Variants in DYNLRB1 observed in about 807,000 individuals in gnomAD.
DYNLRB1 encodes the protein ROBL/LC7-like 1.
DYNLRB1 carries 6 observed loss-of-function variants against 13.5 expected under a neutral mutation model. The observed-to-expected ratio is 0.44, with a 90% CI of 0.24 to 0.88. DYNLRB1 has a LOEUF of 0.88. Ranked by LOEUF, DYNLRB1 falls within the 40% of genes least tolerant of loss-of-function variation. The pLI is 0.21. For missense variants in DYNLRB1, 93 were observed against 127.2 expected, an observed-to-expected ratio of 0.73 and a Z score of 1.29; for synonymous variants, 43 against 45.0, an observed-to-expected ratio of 0.96 and a Z score of 0.18.
intron 3 of DYNLRB1, 109 bp downstream of exon 3, chr20:34,534,904 C>G (rs576746823): frequency 1.9e-6 from 3 of 1,567,702 alleles, no homozygotes; most frequent in East Asian, 2.3e-5. Context: ...AAGCAGGGCC[C>G]GAGGAGTTGA....
intron 3 of DYNLRB1, among the ~76,000 whole-genome samples, chr20:34,540,113 C>T (rs1207801024): frequency 6.6e-6 from 1 of 152,260 alleles, no homozygotes; most frequent in Non-Finnish European, 1.5e-5. Flanking sequence ...ATCAGCATCA[C>T]CTGGGAACTT....
At chr20:34,517,418 T>A (rs1260243224) in intron 1 of DYNLRB1, among the ~76,000 whole-genome samples, 1 of 152,156 alleles carries the variant, frequency 6.6e-6, no homozygotes, top group Non-Finnish European at 1.5e-5. Flanking sequence ...TATCTCCACA[T>A]CATTACAAAC....
intron 1 of DYNLRB1, among the ~76,000 whole-genome samples, chr20:34,525,840 C>CA (rs1310503190): frequency 6.6e-6 from 1 of 152,228 alleles, no homozygotes; most frequent in East Asian, 1.9e-4. Flanking sequence ...AGTCTATCCT[C>CA]ATGTGCTGTT....
intron 2 of DYNLRB1, among the ~76,000 whole-genome samples, chr20:34,527,293 TGA>T (rs1391258408): frequency 6.6e-6 from 1 of 152,224 alleles, no homozygotes; most frequent in African/African-American, 2.4e-5. Flanking sequence ...CCAGCAGTTG[TGA>T]GTTTGAATTC....
intron 1 of DYNLRB1, chr20:34,516,765 T>A: frequency 2.6e-6 from 4 of 1,549,948 alleles, no homozygotes; most frequent in Admixed American, 2.0e-5. Context: ...TTTTGGGGCC[T>A]TGGTGCGCGA....
intron 2 of DYNLRB1, 52 bp downstream of exon 2, chr20:34,526,395 C>T (rs777199131): frequency 3.2e-6 from 5 of 1,569,904 alleles, no homozygotes; most frequent in Non-Finnish European, 4.4e-6. Flanking sequence ...CAGAAGCAGC[C>T]ATAACACAGC....
chr20:34,533,098 C>G (rs1047657433), intron 2 of DYNLRB1, among the ~76,000 whole-genome samples: 7 of 152,230 alleles, frequency 4.6e-5, no homozygotes, highest in Non-Finnish European at 1.0e-4. Context: ...CAATCATGAC[C>G]TGCGGTGGCT....
intron 2 of DYNLRB1, among the ~76,000 whole-genome samples, chr20:34,532,260 C>T (rs1980768685): frequency 6.6e-6 from 1 of 152,170 alleles, no homozygotes; most frequent in African/African-American, 2.4e-5. Context: ...AGTATTCAGC[C>T]CGCCCAGCAG....
rs201727928 is a variant in DYNLRB1, at chr20:34,516,451, G to C, written c.-8G>C. 3.2e-5 allele frequency: 51 copies of C among 1,613,262 alleles called. No homozygotes were observed. Among genetic ancestry groups the C allele is most frequent in the Non-Finnish European group, 4.2e-5 (49 of 1,179,574 alleles). On this transcript the variant is annotated 5_prime_UTR_variant, in exon 1 of 4. Coordinates refer to ENST00000357156, the MANE Select transcript of DYNLRB1 (RefSeq NM_014183.4). ...GTTCGCTACGCGGGGCTACCGGATC[G>C]GTCGGAAATGGTGAGCGTGCGCCGG...
At chr20:34,518,787 A>G (rs371505113) in intron 1 of DYNLRB1, among the ~76,000 whole-genome samples, 1 of 151,852 alleles carries the variant, frequency 6.6e-6, no homozygotes, top group African/African-American at 2.4e-5. Flanking sequence ...AAGCACTTAT[A>G]TGGCCCCCCT....
chr20:34,521,738 T>C (rs1979735945), intron 1 of DYNLRB1, among the ~76,000 whole-genome samples: 1 of 152,212 alleles, frequency 6.6e-6, no homozygotes, highest in South Asian at 2.1e-4. Flanking sequence ...CATCATTTGA[T>C]TCTTGGCTTA....
rs897885100 is a variant in DYNLRB1 at position 34,536,482 on chromosome 20, C to A, written c.247+1687C>A. On this transcript the variant is annotated intron_variant, in intron 3 of 3. Coordinates refer to ENST00000357156, the MANE Select transcript of DYNLRB1 (RefSeq NM_014183.4). Reference sequence around the variant, plus strand: ...CGGGCCGGGATGGAGCGCAGTGGCTCACGCCTGTAATCCCAGCACTTTGGG... The same window carrying A: ...CGGGCCGGGATGGAGCGCAGTGGCTAACGCCTGTAATCCCAGCACTTTGGG... 7 of 985,290 alleles carry A rather than the reference C, an allele frequency of 7.1e-6. No homozygotes were observed. In the Admixed American group the frequency reaches 3.7e-4, roughly 52 times the overall value. The allele number at this position is 985,290 out of a possible 1,614,324, so 61.0% of individuals were successfully genotyped here.
intron 2 of DYNLRB1, among the ~76,000 whole-genome samples, chr20:34,531,587 C>T (rs753003060): frequency 6.6e-6 from 1 of 152,192 alleles, no homozygotes; most frequent in Non-Finnish European, 1.5e-5. Context: ...TGTGATCAGA[C>T]TCCTCATGCC....
chr20:34,522,364 A>T lies in DYNLRB1; in HGVS notation c.4-3904A>T, dbSNP rs183691753. Among the ~76,000 whole-genome samples, 615 of 151,978 alleles carry T rather than the reference A, an allele frequency of 4.0e-3. 3 individuals are homozygous for T. The highest frequency in any genetic ancestry group is 5.9e-3 in the Non-Finnish European group (400 of 67,942). ...TGTCTGAAAGCAATATATGACCCAT[A>T]GTAGGCGCTGAGTAGGGAAATTATA... On this transcript the variant is annotated intron_variant, in intron 1 of 3. Coordinates refer to ENST00000357156, the MANE Select transcript of DYNLRB1 (RefSeq NM_014183.4).
chr20:34,525,603 G>A (rs1292098220), intron 1 of DYNLRB1, among the ~76,000 whole-genome samples: 1 of 152,136 alleles, frequency 6.6e-6, no homozygotes, highest in Non-Finnish European at 1.5e-5. Context: ...GGTGTGTCAC[G>A]GAGCTGGAGA....
At chr20:34,533,338 A>G (rs1980858907) in intron 2 of DYNLRB1, among the ~76,000 whole-genome samples, 1 of 152,216 alleles carries the variant, frequency 6.6e-6, no homozygotes, top group Non-Finnish European at 1.5e-5. Context: ...AAGAGATAGC[A>G]GTGCTGTTTA....
At chr20:34,519,167 C>T (rs1227837189) in intron 1 of DYNLRB1, among the ~76,000 whole-genome samples, 1 of 152,078 alleles carries the variant, frequency 6.6e-6, no homozygotes, top group Admixed American at 6.6e-5. Context: ...GGTGATCCGC[C>T]CACCTCCGCC....
intron 2 of DYNLRB1, chr20:34,529,976 C>T (rs1470687324): frequency 7.5e-7 from 1 of 1,336,854 alleles, no homozygotes; most frequent in South Asian, 1.9e-5. Context: ...GCCTCGAGTC[C>T]TGTGATGGTC....
In DYNLRB1 at chr20:34,540,670, C is replaced by G; in HGVS notation, c.*46C>G. ...TGTCATTCCTTAATTTAATGCCCCC[C>G]AAGAATGTTAATGTCAATCATGTCA... On this transcript the variant is annotated 3_prime_UTR_variant, in exon 4 of 4. Transcript: ENST00000357156. 1.3e-6 allele frequency: 2 copies of G among 1,588,846 alleles called. No individual in the cohort carries two copies. Among genetic ancestry groups the G allele is most frequent in the Non-Finnish European group, 1.7e-6 (2 of 1,158,758 alleles).
Sources: allele counts gnomAD v4.1 joint callset (sites outside exome capture counted in the v4.1 genomes callset), GRCh38; gene constraint gnomAD v4.1.1; transcripts MANE v1.5; gene names NCBI Gene and HGNC (gene_info 2026-07-23, HGNC 2026-07-21).